The following HIVEP3 variants were observed in gnomAD, a reference collection of about 807,000 sequenced individuals.
HIVEP3 encodes the protein HIVEP zinc finger 3.
A neutral mutation model predicts 152.8 loss-of-function variants in HIVEP3; 49 were observed. That is an observed-to-expected ratio of 0.32 (90% CI 0.26 to 0.41). The LOEUF is 0.41. HIVEP3 is among the 10% of genes least tolerant of loss of function. HIVEP3 has a pLI of 1.00. For missense variants in HIVEP3, 2,790 were observed against 3,103.3 expected (o/e 0.90, Z 2.40); for synonymous variants, 1,269 against 1,289.0 (o/e 0.98, Z 0.33).
chr1:41,782,431 T>C (rs542469940), intron 1 of HIVEP3, among the ~76,000 whole-genome samples: 11 of 152,276 alleles, frequency 7.2e-5, no homozygotes, highest in African/African-American at 2.6e-4. Flanking sequence ...CTGTAATGTA[T>C]GCTTAAAAAT....
intron 1 of HIVEP3, among the ~76,000 whole-genome samples, chr1:41,999,077 G>A (rs1233250180): frequency 1.3e-5 from 2 of 151,504 alleles, no homozygotes; most frequent in Non-Finnish European, 2.9e-5. Flanking sequence ...TGTATTTTTA[G>A]TAGAGAAGGG....
In HIVEP3 at chr1:41,849,447, GC is replaced by G. The variant is rs374238848; in HGVS notation, c.-801+68965del. ...CTGTCACAACTTCTGGAAGCAGCCTGCCTCCTTGCTAACCCCTCCTCCATGC... is the reference window on the plus strand; with the variant it reads ...CTGTCACAACTTCTGGAAGCAGCCTGCTCCTTGCTAACCCCTCCTCCATGC... On this transcript the variant is annotated intron_variant, in intron 1 of 8. Coordinates refer to ENST00000372583, the MANE Select transcript of HIVEP3 (RefSeq NM_024503.5). 7.9e-3 allele frequency among the ~76,000 whole-genome samples: 1,203 copies of G among 152,302 alleles called. 17 individuals carry two copies. Among genetic ancestry groups the G allele is most frequent in the South Asian group, 0.066 (318 of 4,830 alleles).
intron 1 of HIVEP3, among the ~76,000 whole-genome samples, chr1:41,754,493 C>T (rs111500913): frequency 1.3e-5 from 2 of 152,168 alleles, no homozygotes; most frequent in Non-Finnish European, 2.9e-5. Flanking sequence ...TTTGAAAATA[C>T]GTTTGGGCTT....
Position 41,582,602 on chromosome 1 carries a change from G to A in HIVEP3, c.2196C>T (p.Ser732=). 6.2e-7 allele frequency: 1 copy of A among 1,612,364 alleles called. No homozygotes were observed. The highest frequency in any genetic ancestry group is 8.5e-7 in the Non-Finnish European group (1 of 1,179,126). Residue 732 remains serine, a synonymous_variant, in exon 4 of 9, where the codon TCC becomes TCT. Coordinates refer to ENST00000372583, the MANE Select transcript of HIVEP3 (RefSeq NM_024503.5). The surrounding 1 kb of genome is among the most constrained non-coding windows in gnomAD (Gnocchi z 4.7). ...GDEEEPPAFE[S]TKSQFGSPGP... ...CGGGGCTGCCAAACTGACTTTTTGT[G>A]GACTCAAAGGCAGGTGGCTCTTCCT...
intron 5 of HIVEP3, among the ~76,000 whole-genome samples, chr1:41,545,435 C>G (rs1643746862): frequency 7.1e-6 from 1 of 139,918 alleles, no homozygotes; most frequent in Non-Finnish European, 1.6e-5. Context: ...TCACCACCAC[C>G]ACCACCTCTA....
intron 5 of HIVEP3, 122 bp downstream of exon 5, chr1:41,575,421 TG>T (rs1366734924): frequency 4.0e-6 from 4 of 996,700 alleles, no homozygotes; most frequent in Non-Finnish European, 6.0e-6. Context: ...AAGGCATCGC[TG>T]GGACCACAGG....
At chr1:41,706,266 G>T (rs1177474263) in intron 1 of HIVEP3, among the ~76,000 whole-genome samples, 1 of 152,024 alleles carries the variant, frequency 6.6e-6, no homozygotes, top group African/African-American at 2.4e-5. Context: ...CGTTGTGTCC[G>T]AATACATGTG....
At chr1:41,779,590 G>A (rs1648915963) in intron 1 of HIVEP3, among the ~76,000 whole-genome samples, 1 of 152,208 alleles carries the variant, frequency 6.6e-6, no homozygotes, top group African/African-American at 2.4e-5. Context: ...CCACCTCCAG[G>A]GTTCAAGCGA....
intron 1 of HIVEP3, among the ~76,000 whole-genome samples, chr1:41,884,659 A>C (rs1644315485): frequency 6.6e-6 from 1 of 152,256 alleles, no homozygotes; most frequent in African/African-American, 2.4e-5. Flanking sequence ...TATCCAGCCC[A>C]ATCCCCTCAC....
rs752168372 is a variant in HIVEP3, at chr1:41,508,091, G to C, written c.*2360C>G. 6.6e-6 allele frequency: 1 copy of C among 152,360 alleles called. No individual in the cohort carries two copies. The highest frequency in any genetic ancestry group is 1.5e-5 in the Non-Finnish European group (1 of 68,180). The allele number at this position is 152,360 out of a possible 1,614,324, so 9.4% of individuals were successfully genotyped here. A position where few individuals can be genotyped will look rare whatever the true frequency, so the allele number is the denominator to read the frequency against. ...TGGGTAGGCTGTTTGAGTACAGGGA[G>C]AAAAATGCCCAGGAGAGCTGGAAGG... On this transcript the variant is annotated 3_prime_UTR_variant, in exon 9 of 9. Transcript: ENST00000372583.
intron 2 of HIVEP3, among the ~76,000 whole-genome samples, chr1:41,640,815 A>G (rs1468805659): frequency 6.6e-6 from 1 of 152,218 alleles, no homozygotes; most frequent in Non-Finnish European, 1.5e-5. Context: ...ACCATCTGAC[A>G]ACTGAGGAAA....
chr1:41,529,626 C>T, intron 5 of HIVEP3, among the ~76,000 whole-genome samples: 1 of 137,724 alleles, frequency 7.3e-6, no homozygotes, highest in Non-Finnish European at 1.6e-5. Flanking sequence ...CACCCCACAC[C>T]CCCCACACCC....
chr1:41,799,976 G>T (rs1287100442), intron 1 of HIVEP3, among the ~76,000 whole-genome samples: 4 of 152,082 alleles, frequency 2.6e-5, no homozygotes, highest in Admixed American at 6.6e-5. Context: ...ACATCCCTAG[G>T]AGCAGCCTTA....
intron 3 of HIVEP3, among the ~76,000 whole-genome samples, chr1:41,591,932 T>C (rs962411907): frequency 1.3e-5 from 2 of 151,812 alleles, no homozygotes; most frequent in Non-Finnish European, 2.9e-5. Flanking sequence ...ACTAAAGACA[T>C]TTCTGAGTCC....
chr1:41,702,309 A>T (rs1298764351), intron 1 of HIVEP3, among the ~76,000 whole-genome samples: 1 of 152,068 alleles, frequency 6.6e-6, no homozygotes, highest in African/African-American at 2.4e-5. Context: ...TTGTCCCTCT[A>T]CTAGGGTATA....
chr1:42,033,766 A>T (rs1040441303), intron 1 of HIVEP3, among the ~76,000 whole-genome samples: 2 of 152,206 alleles, frequency 1.3e-5, no homozygotes, highest in Non-Finnish European at 2.9e-5. Context: ...GCAGAATATC[A>T]TATTGTACAG....
At position 41,529,011 on chromosome 1, in the gene HIVEP3, TCA is replaced by T. The variant is rs150235887; in HGVS notation, c.5208-4103_5208-4102del. On this transcript the variant is annotated intron_variant, in intron 5 of 8. Coordinates refer to ENST00000372583, the MANE Select transcript of HIVEP3 (RefSeq NM_024503.5). ...ACACTTCACATCCCTGCCCTCACAC[TCA>T]CACCACTGACCTCACACTCTCCCTC... Among the ~76,000 whole-genome samples the T allele has an allele frequency of 8.5e-3, 801 of 94,576 alleles. 7 individuals are homozygous for T. The highest frequency in any genetic ancestry group is 0.012 in the Non-Finnish European group (564 of 47,942). The allele number at this position is 94,576 out of a possible 152,430, so 62.0% of individuals were successfully genotyped here.
At chr1:41,824,782 TATAGAG>T (rs1642735160) in intron 1 of HIVEP3, among the ~76,000 whole-genome samples, 10 of 14,286 alleles carry the variant, frequency 7.0e-4, no homozygotes, top group African/African-American at 2.3e-3. Context: ...TATATATATA[TATAGAG>T]AGAGAGAGAG....
At chr1:41,565,801 T>C (rs1644153845) in intron 5 of HIVEP3, among the ~76,000 whole-genome samples, 1 of 152,040 alleles carries the variant, frequency 6.6e-6, no homozygotes, top group Non-Finnish European at 1.5e-5. Context: ...CCTAAGGCTG[T>C]ACCCGCTTGA....
Sources: allele counts gnomAD v4.1 joint callset (sites outside exome capture counted in the v4.1 genomes callset), GRCh38; gene constraint gnomAD v4.1.1; non-coding constraint Gnocchi (gnomAD v3.1); transcripts MANE v1.5; gene names NCBI Gene and HGNC (gene_info 2026-07-23, HGNC 2026-07-21).